NKAIN2: variants seen among roughly 807,000 people sequenced by gnomAD.
The protein encoded by NKAIN2 is sodium/potassium transporting ATPase interacting 2, also known as sodium/potassium-transporting ATPase subunit beta-1-interacting protein 2.
NKAIN2 carries 14 observed loss-of-function variants against 32.6 expected under a neutral mutation model. The observed-to-expected ratio is 0.43, with a 90% confidence interval of 0.28 to 0.67. NKAIN2 has a LOEUF of 0.67. Ranked by LOEUF, NKAIN2 falls within the 30% of genes least tolerant of loss-of-function variation. NKAIN2 has a pLI of 0.17. For synonymous variants in NKAIN2, 80 were observed against 87.2 expected, an observed-to-expected ratio of 0.92 and a Z score of 0.46; for missense variants, 198 against 258.3, an observed-to-expected ratio of 0.77 and a Z score of 1.60.
At chr6:124,018,997 C>T (rs1780731161) in intron 1 of NKAIN2, among the ~76,000 whole-genome samples, 1 of 152,150 alleles carries the variant, frequency 6.6e-6, no homozygotes, top group African/African-American at 2.4e-5. Context: ...GGAGGCCTCA[C>T]AGTCATGGCA....
chr6:124,558,116 G>T (rs1335101540), intron 3 of NKAIN2, among the ~76,000 whole-genome samples: 1 of 152,164 alleles, frequency 6.6e-6, no homozygotes, highest in Non-Finnish European at 1.5e-5. Flanking sequence ...TCTCTCTGCA[G>T]TTTATGATGG....
intron 1 of NKAIN2, among the ~76,000 whole-genome samples, chr6:124,110,924 T>G (rs771621149): frequency 1.4e-4 from 21 of 152,200 alleles, no homozygotes; most frequent in South Asian, 4.1e-4. Context: ...TTCCCTCATT[T>G]TCTATTTCAT....
intron 3 of NKAIN2, among the ~76,000 whole-genome samples, chr6:124,386,650 A>G (rs1772912741): frequency 6.6e-6 from 1 of 152,150 alleles, no homozygotes; most frequent in African/African-American, 2.4e-5. Context: ...AGAATTGTAT[A>G]AGCTGAGTCA....
intron 1 of NKAIN2, among the ~76,000 whole-genome samples, chr6:124,143,238 G>A (rs1459891131): frequency 6.6e-6 from 1 of 152,196 alleles, no homozygotes; most frequent in Admixed American, 6.5e-5. Flanking sequence ...GTGGAGGACT[G>A]CTTGAAGCCA....
intron 3 of NKAIN2, among the ~76,000 whole-genome samples, chr6:124,598,492 G>C (rs1161925965): frequency 6.6e-6 from 1 of 151,986 alleles, no homozygotes; most frequent in Non-Finnish European, 1.5e-5. Flanking sequence ...GGAGTTAATG[G>C]TAGAACCATG....
At chr6:124,589,368 T>A (rs1301025488) in intron 3 of NKAIN2, among the ~76,000 whole-genome samples, 1 of 152,174 alleles carries the variant, frequency 6.6e-6, no homozygotes, top group Non-Finnish European at 1.5e-5. Flanking sequence ...CTACCCTCAA[T>A]GGGAAGTACT....
intron 1 of NKAIN2, among the ~76,000 whole-genome samples, chr6:124,138,832 T>C (rs533881505): frequency 6.6e-6 from 1 of 150,546 alleles, no homozygotes; most frequent in African/African-American, 2.4e-5. Context: ...GGAATGGAAA[T>C]CCAAATATTT....
chr6:124,216,800 C>A (rs72980425), intron 1 of NKAIN2, among the ~76,000 whole-genome samples: 4,284 of 152,130 alleles, frequency 0.028, 79 homozygotes, highest in Non-Finnish European at 0.044. Context: ...AATATATTGA[C>A]AAATAGGTTG....
At chr6:124,534,036 A>G (rs560251426) in intron 3 of NKAIN2, among the ~76,000 whole-genome samples, 89 of 152,330 alleles carry the variant, frequency 5.8e-4, no homozygotes, top group Non-Finnish European at 1.1e-3. Context: ...ATTTCAACGT[A>G]TGAATTTGGA....
intron 3 of NKAIN2, among the ~76,000 whole-genome samples, chr6:124,629,589 G>C (rs1783484753): frequency 6.6e-6 from 1 of 152,148 alleles, no homozygotes; most frequent in Non-Finnish European, 1.5e-5. Flanking sequence ...TTGAGCTTAA[G>C]AGAAGTAAAA....
intron 1 of NKAIN2, among the ~76,000 whole-genome samples, chr6:123,953,067 G>T (rs9491015): frequency 2.4e-4 from 36 of 152,236 alleles, no homozygotes; most frequent in African/African-American, 8.4e-4. Context: ...CTATGGTATT[G>T]GTTGGGTAGG....
chr6:124,701,762 A>C (rs998185634), intron 4 of NKAIN2, among the ~76,000 whole-genome samples: 9 of 152,226 alleles, frequency 5.9e-5, no homozygotes, highest in African/African-American at 2.2e-4. Context: ...AGAACCTAGA[A>C]ATTTTTTGGA....
intron 4 of NKAIN2, among the ~76,000 whole-genome samples, chr6:124,706,505 C>CAAAAA (rs772823814): frequency 1.3e-5 from 2 of 150,998 alleles, no homozygotes; most frequent in African/African-American, 4.9e-5. Context: ...TCAAAAAAAA[C>CAAAAA]AAAAAAAAGA....
intron 4 of NKAIN2, among the ~76,000 whole-genome samples, chr6:124,765,594 C>T (rs1778476326): frequency 6.6e-6 from 1 of 152,182 alleles, no homozygotes; most frequent in African/African-American, 2.4e-5. Flanking sequence ...AGGTCACACT[C>T]CTCTTAAGTT....
chr6:124,562,437 G>A (rs892947217), intron 3 of NKAIN2, among the ~76,000 whole-genome samples: 2 of 152,150 alleles, frequency 1.3e-5, no homozygotes, highest in Admixed American at 6.5e-5. Flanking sequence ...TAAACAGATA[G>A]TGTCAAATAT....
chr6:124,071,957 A>C (rs1783487410), intron 1 of NKAIN2, among the ~76,000 whole-genome samples: 1 of 152,208 alleles, frequency 6.6e-6, no homozygotes, highest in South Asian at 2.1e-4. Flanking sequence ...CATTCCAAGT[A>C]GCAATACCAT....
At chr6:123,994,098 CT>C (rs1779519586) in intron 1 of NKAIN2, among the ~76,000 whole-genome samples, 1 of 152,022 alleles carries the variant, frequency 6.6e-6, no homozygotes, top group African/African-American at 2.4e-5. Context: ...GTAGAATACT[CT>C]TGTCCTTGGG....
In NKAIN2 at chr6:123,976,529, C is replaced by T. The variant is rs114215049; in HGVS notation, c.54+172275C>T. On this transcript the variant is annotated intron_variant, in intron 1 of 6. Coordinates refer to ENST00000368417, the MANE Select transcript of NKAIN2 (RefSeq NM_001040214.3). ...TGGAAACCCCAGAGAACCAATGGTG[C>T]AGTTTGCTAGAGAATTCCCTCTTGA... Among the ~76,000 whole-genome samples the T allele has an allele frequency of 6.0e-3, 904 of 150,050 alleles. 9 individuals are homozygous for T. Among genetic ancestry groups the T allele is most frequent in the African/African-American group, 0.02 (825 of 40,952 alleles).
chr6:124,604,781 T>C (rs143411651), intron 3 of NKAIN2, among the ~76,000 whole-genome samples: 398 of 152,068 alleles, frequency 2.6e-3, no homozygotes, highest in Admixed American at 4.3e-3. Flanking sequence ...TGTAATGCTG[T>C]AGGAAATCTG....
Sources: allele counts gnomAD v4.1 joint callset (sites outside exome capture counted in the v4.1 genomes callset), GRCh38; gene constraint gnomAD v4.1.1; transcripts MANE v1.5; gene names NCBI Gene and HGNC (gene_info 2026-07-23, HGNC 2026-07-21).